The following CHST11 variants were observed in gnomAD, a reference collection of about 807,000 sequenced individuals.
CHST11 encodes C4S-1.
Under a neutral mutation model 30.4 loss-of-function variants are expected in CHST11, and 9 were observed. The observed-to-expected ratio is 0.30, with a 90% CI of 0.18 to 0.52. CHST11 has a LOEUF of 0.52. CHST11 is among the 20% of genes least tolerant of loss of function. The probability of loss-of-function intolerance (pLI) is 0.97; values close to 1 mark genes in which losing one functional copy is unlikely to be tolerated. For missense variants in CHST11, 348 were observed against 460.6 expected (o/e 0.76, Z 2.24); for synonymous variants, 152 against 187.8 (o/e 0.81, Z 1.56).
chr12:104,544,082 T>C (rs2038311736), intron 1 of CHST11, among the ~76,000 whole-genome samples: 1 of 142,068 alleles, frequency 7.0e-6, no homozygotes, highest in Non-Finnish European at 1.5e-5. Context: ...TATGGTTGAA[T>C]CACTGCACTC....
At chr12:104,478,303 A>G (rs2037584540) in intron 1 of CHST11, among the ~76,000 whole-genome samples, 1 of 152,168 alleles carries the variant, frequency 6.6e-6, no homozygotes, top group South Asian at 2.1e-4. Flanking sequence ...CTTAAACATT[A>G]AAAAAATGAT....
chr12:104,464,895 G>A (rs1325259765), intron 1 of CHST11, among the ~76,000 whole-genome samples: 2 of 152,170 alleles, frequency 1.3e-5, no homozygotes, highest in Non-Finnish European at 2.9e-5. Context: ...GTCCTAGTCT[G>A]GGGTCTCCCA....
chr12:104,544,615 G>A (rs2038324700), intron 1 of CHST11, among the ~76,000 whole-genome samples: 2 of 151,324 alleles, frequency 1.3e-5, no homozygotes, highest in Non-Finnish European at 2.9e-5. Flanking sequence ...GCTGATGCAG[G>A]AGAATCAGTT....
At chr12:104,704,076 C>G (rs995607391) in intron 2 of CHST11, among the ~76,000 whole-genome samples, 2 of 152,312 alleles carry the variant, frequency 1.3e-5, no homozygotes, top group African/African-American at 4.8e-5. Context: ...GGAAGTCAAA[C>G]GTTCGTCGAA....
Position 104,757,987 on chromosome 12 carries a change from A to G in CHST11, c.*184A>G. The G allele has an allele frequency of 1.5e-6, 1 of 661,814 alleles. No individual in the cohort carries two copies. Among genetic ancestry groups the G allele is most frequent in the Non-Finnish European group, 2.5e-6 (1 of 399,954 alleles). The allele number at this position is 661,814 out of a possible 1,614,324, so 41.0% of individuals were successfully genotyped here. A position where few individuals can be genotyped will look rare whatever the true frequency, so the allele number is the denominator to read the frequency against. ...GGACAGCTGTCTTTGCAGGGGAAATAGGATGGGTCGTCCTTGTCTGTAGAA... is the reference window on the plus strand; with the variant it reads ...GGACAGCTGTCTTTGCAGGGGAAATGGGATGGGTCGTCCTTGTCTGTAGAA... On this transcript the variant is annotated 3_prime_UTR_variant, in exon 3 of 3. Coordinates refer to ENST00000303694, the MANE Select transcript of CHST11 (RefSeq NM_018413.6). This position sits in a 1 kb window ranked among gnomAD's most constrained non-coding sequence, Gnocchi z 6.5.
At chr12:104,633,356 T>A (rs2039290133) in intron 2 of CHST11, among the ~76,000 whole-genome samples, 1 of 151,730 alleles carries the variant, frequency 6.6e-6, no homozygotes. Context: ...TATTGAGTGG[T>A]GTTGGAAGCC....
chr12:104,495,367 C>T (rs1300775678), intron 1 of CHST11, among the ~76,000 whole-genome samples: 1 of 152,054 alleles, frequency 6.6e-6, no homozygotes, highest in African/African-American at 2.4e-5. Flanking sequence ...TGTGGTAATT[C>T]TATTTTAAAT....
intron 1 of CHST11, among the ~76,000 whole-genome samples, chr12:104,480,945 G>A (rs1032256167): frequency 6.6e-6 from 1 of 152,190 alleles, no homozygotes; most frequent in African/African-American, 2.4e-5. Context: ...CAGTCTGAAG[G>A]AACACATTTC....
Position 104,514,371 on chromosome 12 carries a change from T to C in CHST11, c.118+56842T>C, listed in dbSNP as rs1484492630. On this transcript the variant is annotated intron_variant, in intron 1 of 2. Transcript: ENST00000303694. ...GCTCTTCTTCTATGCCATTCTGGGC[T>C]TTGCCCTGTCTGAGGTCATGGGGCT... 5.3e-6 allele frequency: 5 copies of C among 938,526 alleles called. No homozygotes were observed. In the African/African-American group the frequency reaches 6.5e-5, roughly 12 times the overall value. The allele number at this position is 938,526 out of a possible 1,614,324, so 58.1% of individuals were successfully genotyped here. A position where few individuals can be genotyped will look rare whatever the true frequency, so the allele number is the denominator to read the frequency against.
chr12:104,655,718 G>A (rs1256579579), intron 2 of CHST11, among the ~76,000 whole-genome samples: 1 of 152,194 alleles, frequency 6.6e-6, no homozygotes, highest in East Asian at 1.9e-4. Flanking sequence ...TGAACCTAAG[G>A]AACACATTTG....
At chr12:104,582,491 A>T (rs2038756227) in intron 1 of CHST11, among the ~76,000 whole-genome samples, 1 of 151,740 alleles carries the variant, frequency 6.6e-6, no homozygotes, top group Admixed American at 6.6e-5. Context: ...AGTTACTTAA[A>T]CCCCAGGCCC....
chr12:104,706,159 A>G lies in CHST11; in HGVS notation c.205-50790A>G, dbSNP rs190294698. ...AGCACTTTGGGAGGCCGAGGCGGGC[A>G]GATCACCTGAGGTCAGGAGCTCGAG... On this transcript the variant is annotated intron_variant, in intron 2 of 2. Transcript: ENST00000303694. Among the ~76,000 whole-genome samples the G allele has an allele frequency of 3.3e-3, 495 of 151,840 alleles. 4 individuals are homozygous for G. Among genetic ancestry groups the G allele is most frequent in the African/African-American group, 9.1e-3 (377 of 41,404 alleles).
intron 1 of CHST11, among the ~76,000 whole-genome samples, chr12:104,518,977 T>TC (rs1375246327): frequency 5.0e-5 from 7 of 139,140 alleles, no homozygotes; most frequent in African/African-American, 1.6e-4. Context: ...TTTCTTTCTT[T>TC]TTTTTTTTTT....
intron 1 of CHST11, among the ~76,000 whole-genome samples, chr12:104,568,001 G>A (rs2038584446): frequency 6.6e-6 from 1 of 152,156 alleles, no homozygotes; most frequent in South Asian, 2.1e-4. Flanking sequence ...CTTAGTCTAG[G>A]ATATTTTGTT....
chr12:104,705,537 A>G (rs1412911597), intron 2 of CHST11, among the ~76,000 whole-genome samples: 1 of 152,190 alleles, frequency 6.6e-6, no homozygotes, highest in Non-Finnish European at 1.5e-5. Flanking sequence ...TGTGGTGCTC[A>G]CACTCTAGAT....
In CHST11 at chr12:104,761,539, A is replaced by T. The variant is rs1452667707; in HGVS notation, c.*3736A>T. ...CCATTCTGTGCAATCCCAGTGACCA[A>T]ATCCCTTCCTTGCCCACCTCTATGT... On this transcript the variant is annotated 3_prime_UTR_variant, in exon 3 of 3. Coordinates refer to ENST00000303694, the MANE Select transcript of CHST11 (RefSeq NM_018413.6). The T allele has an allele frequency of 6.6e-6, 1 of 151,926 alleles. No individual in the cohort carries two copies. The highest frequency in any genetic ancestry group is 1.5e-5 in the Non-Finnish European group (1 of 68,638). 9.4% of individuals were successfully genotyped at this position (151,926 alleles called of 1,614,324 possible). A position where few individuals can be genotyped will look rare whatever the true frequency, so the allele number is the denominator to read the frequency against.
At chr12:104,493,933 C>T (rs577607143) in intron 1 of CHST11, among the ~76,000 whole-genome samples, 50 of 152,286 alleles carry the variant, frequency 3.3e-4, no homozygotes, top group Admixed American at 5.9e-4. Flanking sequence ...AAGTGATCTT[C>T]CCACCCCAGC....
intron 2 of CHST11, among the ~76,000 whole-genome samples, chr12:104,614,496 G>A (rs2039089008): frequency 6.6e-6 from 1 of 152,276 alleles, no homozygotes; most frequent in East Asian, 1.9e-4. Flanking sequence ...AGTGAGCTAT[G>A]ATTGTGCCAC....
At chr12:104,514,327 A>G (rs1439249434) in intron 1 of CHST11, 7 of 968,200 alleles carry the variant, frequency 7.2e-6, no homozygotes, top group African/African-American at 1.6e-5. Flanking sequence ...TGTGCCAGAA[A>G]CCTGTCTCTC....
Sources: gnomAD v4.1 joint callset for allele counts (sites outside exome capture counted in the v4.1 genomes callset) on GRCh38, gnomAD v4.1.1 for gene constraint, Gnocchi (gnomAD v3.1) non-coding constraint, MANE v1.5 for transcripts, NCBI Gene and HGNC (gene_info 2026-07-23, HGNC 2026-07-21) for gene names.